Variants in TIAM2 observed in about 807,000 individuals in gnomAD.
The protein encoded by TIAM2 is rho guanine nucleotide exchange factor TIAM2.
TIAM2 carries 80 observed loss-of-function variants against 152.9 expected under a neutral mutation model. That is an observed-to-expected ratio of 0.52 (90% CI 0.44 to 0.63). The LOEUF is 0.63. TIAM2 is among the 30% of genes least tolerant of loss of function. The pLI is 0.00. For synonymous variants in TIAM2, 804 were observed against 838.0 expected (o/e 0.96, Z 0.70); for missense variants, 1,965 against 2,120.1 (o/e 0.93, Z 1.44).
intron 3 of TIAM2, among the ~76,000 whole-genome samples, chr6:155,128,177 G>A (rs1325750065): frequency 6.6e-6 from 1 of 152,136 alleles, no homozygotes; most frequent in East Asian, 1.9e-4. Flanking sequence ...CATATTCTAA[G>A]TCAGCTTCAT....
chr6:155,071,789 G>A (rs1583176811), intron 1 of TIAM2, among the ~76,000 whole-genome samples: 1 of 151,892 alleles, frequency 6.6e-6, no homozygotes, highest in Non-Finnish European at 1.5e-5. Flanking sequence ...CCAGCTACTT[G>A]GGAGGCTGAG....
intron 1 of TIAM2, among the ~76,000 whole-genome samples, chr6:155,043,413 C>T (rs1361276456): frequency 6.6e-6 from 1 of 152,034 alleles, no homozygotes; most frequent in African/African-American, 2.4e-5. Context: ...GGAGGGATCA[C>T]TTGAGTCCAG....
chr6:154,997,612 G>T (rs911605332), intron 1 of TIAM2, among the ~76,000 whole-genome samples: 7 of 148,278 alleles, frequency 4.7e-5, no homozygotes, highest in African/African-American at 1.7e-4. Context: ...TTCCGTGAAC[G>T]AGTGAAGAAA....
At chr6:155,044,744 A>G (rs926453145) in intron 1 of TIAM2, among the ~76,000 whole-genome samples, 34 of 152,078 alleles carry the variant, frequency 2.2e-4, no homozygotes, top group African/African-American at 8.2e-4. Context: ...CCCGGGAGGC[A>G]GAGGCTGCTG....
At chr6:155,136,382 C>G (rs1779556760) in intron 4 of TIAM2, among the ~76,000 whole-genome samples, 1 of 151,622 alleles carries the variant, frequency 6.6e-6, no homozygotes, top group Non-Finnish European at 1.5e-5. Flanking sequence ...TCAGGTGATT[C>G]TCCTGCCTCA....
intron 15 of TIAM2, among the ~76,000 whole-genome samples, chr6:155,220,451 G>A (rs548812051): frequency 2.8e-4 from 43 of 152,334 alleles, no homozygotes; most frequent in African/African-American, 9.9e-4. Flanking sequence ...AAGAACCCCA[G>A]GAGCCCTGGG....
At chr6:155,049,248 G>A (rs1035869669) in intron 1 of TIAM2, among the ~76,000 whole-genome samples, 1 of 152,086 alleles carries the variant, frequency 6.6e-6, no homozygotes, top group Non-Finnish European at 1.5e-5. Flanking sequence ...TGCCATGGAT[G>A]CGGAGCACAG....
rs140696599 is a variant in TIAM2 at position 155,190,269 on chromosome 6, T to A, written c.3064+6769T>A. ...ACCACTCTAGCTTCATTCCTTTGGATCTTAAAGTATTGTCATGTTGAATGA... is the reference window on the plus strand; with the variant it reads ...ACCACTCTAGCTTCATTCCTTTGGAACTTAAAGTATTGTCATGTTGAATGA... On this transcript the variant is annotated intron_variant, in intron 14 of 26. Transcript: ENST00000682666. Among the ~76,000 whole-genome samples, 1,110 of 152,304 alleles carry A rather than the reference T, an allele frequency of 7.3e-3. 17 individuals carry two copies. Among genetic ancestry groups the A allele is most frequent in the South Asian group, 0.021 (102 of 4,828 alleles).
chr6:155,211,657 CT>C (rs11314912), intron 15 of TIAM2, among the ~76,000 whole-genome samples: 54,734 of 146,318 alleles, frequency 0.37, 10,655 homozygotes, highest in Admixed American at 0.52. Context: ...TTCTTTCTTA[CT>C]TTTTTTTTTT....
rs1781945311 is a variant in TIAM2 at position 155,218,836 on chromosome 6, T to TCCACCCGTGTTCTCGACCATCTCAGCCGC, written c.3168+7543_3168+7571dup. ...CCCGTGTTCTTGACCATCTCAGCCATCCACCCGTGTTCTCGACCATCTCAG... is the reference window on the plus strand; with the variant it reads ...CCCGTGTTCTTGACCATCTCAGCCATCCACCCGTGTTCTCGACCATCTCAGCCGCCCACCCGTGTTCTCGACCATCTCAG... On this transcript the variant is annotated intron_variant, in intron 15 of 26. Transcript: ENST00000682666. The surrounding 1 kb of genome is among the most constrained non-coding windows in gnomAD (Gnocchi z 4.5). Among the ~76,000 whole-genome samples, 1 of 132,614 alleles carries TCCACCCGTGTTCTCGACCATCTCAGCCGC rather than the reference T, an allele frequency of 7.5e-6. No homozygotes were observed. Among genetic ancestry groups the TCCACCCGTGTTCTCGACCATCTCAGCCGC allele is most frequent in the Non-Finnish European group, 1.6e-5 (1 of 61,814 alleles). 87.0% of individuals were successfully genotyped at this position (132,614 alleles called of 152,430 possible). A position where few individuals can be genotyped will look rare whatever the true frequency, so the allele number is the denominator to read the frequency against.
intron 5 of TIAM2, 141 bp downstream of exon 5, chr6:155,137,753 G>A (rs1265942082): frequency 1.2e-6 from 1 of 868,030 alleles, no homozygotes; most frequent in Non-Finnish European, 1.7e-6. Context: ...CCTTCATGCA[G>A]ATACTTTCTC....
At chr6:155,086,434 C>T (rs1045252579) in intron 1 of TIAM2, among the ~76,000 whole-genome samples, 4 of 152,156 alleles carry the variant, frequency 2.6e-5, no homozygotes, top group Admixed American at 2.0e-4. Context: ...TGGCCGGGCA[C>T]GGCGACTTAC....
At chr6:155,233,214 A>G (rs1371060163) in intron 15 of TIAM2, among the ~76,000 whole-genome samples, 1 of 152,228 alleles carries the variant, frequency 6.6e-6, no homozygotes, top group Admixed American at 6.5e-5. Flanking sequence ...AAGATTCCAA[A>G]ACGCACAGGA....
chr6:155,225,565 C>G lies in TIAM2; in HGVS notation c.3168+14258C>G, dbSNP rs141381865. Among the ~76,000 whole-genome samples the G allele has an allele frequency of 4.9e-3, 742 of 152,338 alleles. 13 individuals are homozygous for G. Among genetic ancestry groups the G allele is most frequent in the African/African-American group, 0.017 (700 of 41,588 alleles). ...TTTTTCTTGCCTGAGTGTCCTGGTT[C>G]TGCTGCCTTCTCTAGATCCCCAGCT... On this transcript the variant is annotated intron_variant, in intron 15 of 26. Coordinates refer to ENST00000682666, the MANE Select transcript of TIAM2 (RefSeq NM_012454.4).
intron 1 of TIAM2, among the ~76,000 whole-genome samples, chr6:155,006,739 A>G (rs1424940420): frequency 3.4e-5 from 5 of 147,824 alleles, no homozygotes; most frequent in Admixed American, 6.7e-5. Flanking sequence ...CCCAGGCTGG[A>G]GTGCAGTGGC....
chr6:155,153,113 TTA>T (rs1432457198), intron 7 of TIAM2, among the ~76,000 whole-genome samples: 1 of 152,074 alleles, frequency 6.6e-6, no homozygotes, highest in Non-Finnish European at 1.5e-5. Context: ...ATCACTTTAG[TTA>T]TTTTAAGTGC....
chr6:155,042,020 C>CT (rs1018865368), intron 1 of TIAM2, among the ~76,000 whole-genome samples: 1 of 151,842 alleles, frequency 6.6e-6, no homozygotes, highest in African/African-American at 2.4e-5. Flanking sequence ...TCCAACCAGA[C>CT]TTTTTTTCTT....
At position 155,028,424 on chromosome 6, in the gene TIAM2, TATA is replaced by T. The variant is rs1254887197; in HGVS notation, c.-209+32936_-209+32938del. ...TATATACTGTGTTACATATACTACA[TATA>T]ATATATATACTGTGTTACATATACT... is the stretch of plus-strand genomic sequence containing the variant. On this transcript the variant is annotated intron_variant, in intron 1 of 26. Coordinates refer to ENST00000682666, the MANE Select transcript of TIAM2 (RefSeq NM_012454.4). Among the ~76,000 whole-genome samples, 9 of 124,136 alleles carry T rather than the reference TATA, an allele frequency of 7.3e-5. 1 individual carries two copies. Among genetic ancestry groups the T allele is most frequent in the Non-Finnish European group, 1.4e-4 (8 of 57,382 alleles). 81.4% of individuals were successfully genotyped at this position (124,136 alleles called of 152,430 possible).
chr6:155,139,872 G>A (rs770013744), intron 5 of TIAM2, among the ~76,000 whole-genome samples: 4 of 152,136 alleles, frequency 2.6e-5, no homozygotes, highest in Non-Finnish European at 5.9e-5. Context: ...CCTGGGAGGC[G>A]GAGGTTGCAG....
Sources: gnomAD v4.1 joint callset for allele counts (sites outside exome capture counted in the v4.1 genomes callset) on GRCh38, gnomAD v4.1.1 for gene constraint, Gnocchi (gnomAD v3.1) non-coding constraint, MANE v1.5 for transcripts, NCBI Gene and HGNC (gene_info 2026-07-23, HGNC 2026-07-21) for gene names.